The following CEP112 variants were observed in gnomAD, a reference collection of about 807,000 sequenced individuals.
CEP112 encodes centrosomal protein of 112 kDa.
In CEP112, 127 loss-of-function variants were observed where a neutral mutation model predicts 153.0. The observed-to-expected ratio is 0.83, with a 90% CI of 0.72 to 0.96. CEP112 has a LOEUF of 0.96. Ranked by LOEUF, CEP112 falls within the 40% of genes least tolerant of loss-of-function variation. CEP112 has a pLI of 0.00. For missense variants in CEP112, 1,089 were observed against 1,101.2 expected (o/e 0.99, Z 0.16); for synonymous variants, 358 against 374.4 (o/e 0.96, Z 0.51).
intron 19 of CEP112, among the ~76,000 whole-genome samples, chr17:65,904,560 T>A (rs1214098220): frequency 1.3e-5 from 2 of 152,210 alleles, no homozygotes; most frequent in African/African-American, 4.8e-5. Context: ...GCTATCCCCA[T>A]CAAGCTACCA....
chr17:66,124,305 C>T (rs1327455286), intron 6 of CEP112, among the ~76,000 whole-genome samples: 1 of 152,130 alleles, frequency 6.6e-6, no homozygotes, highest in Admixed American at 6.5e-5. Flanking sequence ...CTTTTCCAGT[C>T]CCACTGGCCA....
chr17:66,166,206 C>G (rs2071949571), intron 4 of CEP112, among the ~76,000 whole-genome samples: 1 of 152,030 alleles, frequency 6.6e-6, no homozygotes, highest in Admixed American at 6.6e-5. Flanking sequence ...TAAAATGGCA[C>G]CTAATTAAAT....
chr17:65,852,019 C>G lies in CEP112; in HGVS notation c.2179G>C (p.Glu727Gln). 1.9e-6 allele frequency: 3 copies of G among 1,608,472 alleles called. No individual in the cohort carries two copies. Among genetic ancestry groups the G allele is most frequent in the Non-Finnish European group, 2.5e-6 (3 of 1,178,524 alleles). The change falls in exon 21 of 27, where the codon GAG becomes CAG. Residue 727 changes from glutamate to glutamine, a missense_variant. Physicochemically the swap from Glu to Gln is conservative, Grantham distance 29. Coordinates refer to ENST00000535342, the MANE Select transcript of CEP112 (RefSeq NM_001199165.4). The part of the protein sequence containing the change: ...KRDAQVIADM[E>Q]AQVHKLREEL... The stretch of plus-strand genomic sequence containing the variant: ...TCTCTCAACTTGTGAACCTGGGCCT[C>G]CATGTCGGCAATAACCTTGTTTTTA...
chr17:65,845,493 G>A (rs1200536979), intron 21 of CEP112, among the ~76,000 whole-genome samples: 1 of 152,102 alleles, frequency 6.6e-6, no homozygotes, highest in Non-Finnish European at 1.5e-5. Flanking sequence ...AGTTAGTATG[G>A]CTATTTTACA....
chr17:66,125,559 C>T (rs933774144), intron 6 of CEP112, among the ~76,000 whole-genome samples: 1 of 151,292 alleles, frequency 6.6e-6, no homozygotes, highest in Non-Finnish European at 1.5e-5. Context: ...TTCTAACCTA[C>T]ATGAAAAAAA....
chr17:65,720,730 C>T (rs2049823477), intron 23 of CEP112, among the ~76,000 whole-genome samples: 1 of 152,136 alleles, frequency 6.6e-6, no homozygotes, highest in African/African-American at 2.4e-5. Flanking sequence ...TTGAATAGGG[C>T]CTTTTTCAGT....
intron 22 of CEP112, among the ~76,000 whole-genome samples, chr17:65,743,606 A>C (rs990792537): frequency 6.6e-6 from 1 of 152,246 alleles, no homozygotes; most frequent in African/African-American, 2.4e-5. Flanking sequence ...TAATAACCAA[A>C]GAAAATAATG....
At chr17:66,126,132 T>C (rs1299552707) in intron 6 of CEP112, among the ~76,000 whole-genome samples, 1 of 152,208 alleles carries the variant, frequency 6.6e-6, no homozygotes, top group South Asian at 2.1e-4. Context: ...TAATATTATA[T>C]GCCTCACTTA....
At chr17:66,009,764 C>T (rs1238316597) in intron 16 of CEP112, among the ~76,000 whole-genome samples, 1 of 152,072 alleles carries the variant, frequency 6.6e-6, no homozygotes, top group African/African-American at 2.4e-5. Context: ...CTGAAGATCA[C>T]ACAGTTGAAG....
At chr17:65,806,812 T>A (rs1490443261) in intron 21 of CEP112, among the ~76,000 whole-genome samples, 1 of 152,210 alleles carries the variant, frequency 6.6e-6, no homozygotes, top group African/African-American at 2.4e-5. Context: ...TTAAACCTCT[T>A]TTCTTCATAA....
intron 9 of CEP112, among the ~76,000 whole-genome samples, chr17:66,068,528 G>T (rs1017652632): frequency 1.3e-5 from 2 of 152,142 alleles, no homozygotes; most frequent in African/African-American, 2.4e-5. Context: ...TAAATTTTAC[G>T]CCTTGCCAAT....
At position 66,009,189 on chromosome 17, in the gene CEP112, T is replaced by TTGTGTGTGTGTGTGTGTGTGTGTGTG. The variant is rs34971943; in HGVS notation, c.1657-3446_1657-3421dup. On this transcript the variant is annotated intron_variant, in intron 16 of 26. Transcript: ENST00000535342. ...ATCCTGGCCTACACTTGTTATCCCT[T>TTGTGTGTGTGTGTGTGTGTGTGTGTG]TGTGTGTGTGTGTGTGTGTGTGTGT... Among the ~76,000 whole-genome samples, 86 of 146,940 alleles carry TTGTGTGTGTGTGTGTGTGTGTGTGTG rather than the reference T, an allele frequency of 5.9e-4. 1 individual carries two copies. The highest frequency in any genetic ancestry group is 2.2e-3 in the African/African-American group (85 of 39,266).
chr17:65,875,546 A>G (rs2058799453), intron 20 of CEP112, among the ~76,000 whole-genome samples: 1 of 152,190 alleles, frequency 6.6e-6, no homozygotes, highest in South Asian at 2.1e-4. Flanking sequence ...GCTATAAAAA[A>G]TATTTAGTTT....
chr17:66,143,620 A>G (rs532454641), intron 4 of CEP112, among the ~76,000 whole-genome samples: 2 of 152,362 alleles, frequency 1.3e-5, no homozygotes, highest in South Asian at 4.1e-4. Context: ...ATACACAGAA[A>G]GGTGCAAAAT....
At chr17:65,961,223 G>A (rs1178898473) in intron 18 of CEP112, among the ~76,000 whole-genome samples, 21 of 152,186 alleles carry the variant, frequency 1.4e-4, no homozygotes, top group Admixed American at 1.4e-3. Context: ...CCAAAGCAAG[G>A]TACATGCTTG....
rs1040206899 is a variant in CEP112, at chr17:65,915,788, A to C, written c.1980+11794T>G. On this transcript the variant is annotated intron_variant, in intron 19 of 26. Coordinates refer to ENST00000535342, the MANE Select transcript of CEP112 (RefSeq NM_001199165.4). ...GGGTGACAGAGTGAGACTCAAACTC[A>C]AAAAAAAAAAAAAAAAAAAAGAGAA... is the stretch of plus-strand genomic sequence containing the variant. Among the ~76,000 whole-genome samples the C allele has an allele frequency of 5.1e-3, 446 of 87,114 alleles. 1 individual carries two copies. Among genetic ancestry groups the C allele is most frequent in the Admixed American group, 0.022 (150 of 6,892 alleles). 57.2% of individuals were successfully genotyped at this position (87,114 alleles called of 152,430 possible). A position where few individuals can be genotyped will look rare whatever the true frequency, so the allele number is the denominator to read the frequency against.
At chr17:65,686,081 TA>T (rs1205360442) in intron 24 of CEP112, among the ~76,000 whole-genome samples, 5 of 151,904 alleles carry the variant, frequency 3.3e-5, no homozygotes, top group Non-Finnish European at 4.4e-5. Context: ...AAATATCTAT[TA>T]TTTGTTATGC....
At chr17:66,122,187 C>T (rs779443236) in intron 6 of CEP112, among the ~76,000 whole-genome samples, 1 of 152,142 alleles carries the variant, frequency 6.6e-6, no homozygotes, top group Non-Finnish European at 1.5e-5. Flanking sequence ...AGCCACTGCG[C>T]CTGGCCCATC....
chr17:65,667,898 CT>C (rs5821584), intron 24 of CEP112, among the ~76,000 whole-genome samples: 62,691 of 140,292 alleles, frequency 0.45, 14,718 homozygotes, highest in East Asian at 0.76. Context: ...CCCTTGGGCA[CT>C]TTTTTTTTTT....
Sources: gnomAD v4.1 joint callset for allele counts (sites outside exome capture counted in the v4.1 genomes callset) on GRCh38, gnomAD v4.1.1 for gene constraint, MANE v1.5 for transcripts, NCBI Gene and HGNC (gene_info 2026-07-23, HGNC 2026-07-21) for gene names.